WDFY4: variants seen among roughly 807,000 people sequenced by gnomAD.
WDFY4 encodes the protein WDFY family member 4.
Under a neutral mutation model 351.9 loss-of-function variants are expected in WDFY4, and 169 were observed. The ratio of observed to expected loss-of-function variants is 0.48; its 90% CI spans 0.42 to 0.55. WDFY4 has a LOEUF of 0.55. Among genes scored for constraint, WDFY4 ranks in the 20% least tolerant of loss-of-function variants. The pLI, the probability that WDFY4 is intolerant of heterozygous loss-of-function variation, is 0.00. For synonymous variants in WDFY4, 1,622 were observed against 1,574.6 expected (o/e 1.03, Z -0.71); for missense variants, 3,803 against 3,935.6 (o/e 0.97, Z 0.90).
In WDFY4 at chr10:48,776,952, T is replaced by A; in HGVS notation, c.3066T>A (p.Phe1022Leu). ...QPQRAALAPS[F>L]VEFDMSVEGY... is the part of the protein sequence containing the mutation. ...AGAGGGCAGCCCTGGCCCCATCGTT[T>A]GTGGAATTTGACATGTCCGTGGAAG... is the stretch of plus-strand genomic sequence containing the variant. The change falls in exon 16 of 62, where the codon TTT becomes TTA. Residue 1022 changes from phenylalanine to leucine, a missense_variant. By Grantham distance (22) the Phe-to-Leu change is conservative. This residue lies in a region of WDFY4 where 3,054 missense variants were observed against 3,148.6 expected (regional missense o/e 0.97). Transcript: ENST00000325239. 1 of 1,552,402 alleles carries A rather than the reference T, an allele frequency of 6.4e-7. No individual in the cohort carries two copies. The highest frequency in any genetic ancestry group is 8.7e-7 in the Non-Finnish European group (1 of 1,147,132).
intron 13 of WDFY4, among the ~76,000 whole-genome samples, chr10:48,771,763 G>A (rs996395610): frequency 5.3e-5 from 8 of 152,188 alleles, no homozygotes; most frequent in African/African-American, 1.9e-4. Context: ...TTGAAAGCAG[G>A]GACAGTGTCT....
intron 39 of WDFY4, among the ~76,000 whole-genome samples, chr10:48,850,956 C>T (rs767120729): frequency 1.7e-4 from 26 of 152,198 alleles, no homozygotes; most frequent in Non-Finnish European, 2.9e-4. Context: ...GTTTTTCTTT[C>T]CTAGGCAAAT....
At chr10:48,951,009 G>A (rs1841296088) in intron 51 of WDFY4, among the ~76,000 whole-genome samples, 1 of 152,232 alleles carries the variant, frequency 6.6e-6, no homozygotes, top group Non-Finnish European at 1.5e-5. Context: ...TCTGGGCACT[G>A]TGGCCCATTT....
chr10:48,776,587 G>A (rs1207084948), intron 15 of WDFY4, among the ~76,000 whole-genome samples, 163 bp from the exon 16 acceptor site: 3 of 152,232 alleles, frequency 2.0e-5, no homozygotes, highest in Admixed American at 6.5e-5. Context: ...CAGGGGGCCC[G>A]GGCTGGGGGC....
chr10:48,969,440 C>T (rs990592256), intron 56 of WDFY4, among the ~76,000 whole-genome samples, 192 bp downstream of exon 56: 4 of 152,200 alleles, frequency 2.6e-5, no homozygotes, highest in Admixed American at 6.5e-5. Flanking sequence ...CTCAAACCCT[C>T]CTTCCAAGGC....
At chr10:48,822,297 T>G in intron 34 of WDFY4, 83 bp from the exon 35 acceptor site, 1 of 1,379,038 alleles carries the variant, frequency 7.3e-7, no homozygotes. Flanking sequence ...TAAGATGCAG[T>G]TGGTCACTAC....
intron 43 of WDFY4, among the ~76,000 whole-genome samples, chr10:48,886,692 G>C (rs1448183362): frequency 6.6e-6 from 1 of 152,108 alleles, no homozygotes. Context: ...CCCAGTCTGG[G>C]GTATTCTGTT....
chr10:48,814,168 A>T (rs2067544499), intron 31 of WDFY4, 86 bp downstream of exon 31: 1 of 1,422,200 alleles, frequency 7.0e-7, no homozygotes, highest in Non-Finnish European at 9.3e-7. Flanking sequence ...TTCTCTTAGC[A>T]TCTTCCCACT....
chr10:48,846,566 A>G (rs1247467603), intron 39 of WDFY4, among the ~76,000 whole-genome samples: 1 of 152,208 alleles, frequency 6.6e-6, no homozygotes. Context: ...AGCCAGGTTC[A>G]TCTATTTCAG....
In WDFY4 at chr10:48,823,770, T is replaced by C. The variant is rs1415072834; in HGVS notation, c.5982+1233T>C. The C allele has an allele frequency of 8.1e-6, 8 of 990,804 alleles. No individual in the cohort carries two copies. In the African/African-American group the frequency reaches 1.4e-4, roughly 17 times the overall value. 61.4% of individuals were successfully genotyped at this position (990,804 alleles called of 1,614,324 possible). ...ACCGTGCTTTCAGGGGGACCAGGCCTGAGGGCTCGGCTCCCCACATATCCA... is the reference window on the plus strand; with the variant it reads ...ACCGTGCTTTCAGGGGGACCAGGCCCGAGGGCTCGGCTCCCCACATATCCA... On this transcript the variant is annotated intron_variant, in intron 35 of 61. Coordinates refer to ENST00000325239, the MANE Select transcript of WDFY4 (RefSeq NM_001394531.1).
intron 47 of WDFY4, among the ~76,000 whole-genome samples, chr10:48,941,308 A>G (rs1368286870): frequency 6.6e-6 from 1 of 152,264 alleles, no homozygotes; most frequent in African/African-American, 2.4e-5. Flanking sequence ...CTATGTAGGC[A>G]TATAGGCAGG....
chr10:48,894,592 G>C (rs1001693671), intron 44 of WDFY4, among the ~76,000 whole-genome samples: 8 of 152,250 alleles, frequency 5.3e-5, no homozygotes, highest in South Asian at 2.1e-4. Flanking sequence ...TGGCAGGCCA[G>C]AGAGCATGAC....
At chr10:48,848,311 A>G (rs894711468) in intron 39 of WDFY4, among the ~76,000 whole-genome samples, 1 of 152,224 alleles carries the variant, frequency 6.6e-6, no homozygotes, top group Non-Finnish European at 1.5e-5. Flanking sequence ...CTATCACTCA[A>G]CTAAAACCAG....
Position 48,790,836 on chromosome 10 carries a change from T to C in WDFY4, c.4176T>C (p.Tyr1392=). ...ISLATDDHTM[Y]AAVKVLHSVL... ...TAGCGACAGATGACCATACCATGTATGCGGCTGTGAAAGTTCTGCACTCGG... is the reference window on the plus strand; with the variant it reads ...TAGCGACAGATGACCATACCATGTACGCGGCTGTGAAAGTTCTGCACTCGG... Residue 1392 remains tyrosine (Y), a synonymous_variant, in exon 23 of 62, where the codon TAT becomes TAC. Coordinates refer to ENST00000325239, the MANE Select transcript of WDFY4 (RefSeq NM_001394531.1). 1.3e-5 allele frequency: 20 copies of C among 1,551,784 alleles called. No individual in the cohort carries two copies. The highest frequency in any genetic ancestry group is 1.7e-5 in the Non-Finnish European group (20 of 1,147,018).
chr10:48,806,256 T>A (rs1039031819), intron 27 of WDFY4, among the ~76,000 whole-genome samples, 161 bp downstream of exon 27: 3 of 152,214 alleles, frequency 2.0e-5, no homozygotes, highest in African/African-American at 7.2e-5. Flanking sequence ...CATTTTATGA[T>A]GAGAGTCAGA....
chr10:48,700,405 T>C (rs967642953), intron 1 of WDFY4, among the ~76,000 whole-genome samples: 1 of 152,236 alleles, frequency 6.6e-6, no homozygotes, highest in Admixed American at 6.5e-5. Flanking sequence ...GCTACTTCTA[T>C]CTCCTGATTT....
chr10:48,775,219 G>A (rs1202863588), intron 14 of WDFY4, among the ~76,000 whole-genome samples: 1 of 152,182 alleles, frequency 6.6e-6, no homozygotes, highest in Non-Finnish European at 1.5e-5. Flanking sequence ...GAAGACAAGA[G>A]AGCAGAGGGA....
intron 37 of WDFY4, 149 bp from the exon 38 acceptor site, chr10:48,830,551 T>C: frequency 1.2e-6 from 1 of 865,890 alleles, no homozygotes; most frequent in Non-Finnish European, 1.8e-6. Flanking sequence ...TACTGATTGC[T>C]TCTCGCTGAA....
intron 29 of WDFY4, 124 bp downstream of exon 29, chr10:48,810,859 C>G (rs560718397): frequency 9.5e-7 from 1 of 1,056,566 alleles, no homozygotes; most frequent in Admixed American, 3.4e-5. Flanking sequence ...CACCTCGAGC[C>G]CTGACTCCAA....
Sources: allele counts gnomAD v4.1 joint callset (sites outside exome capture counted in the v4.1 genomes callset), GRCh38; gene constraint gnomAD v4.1.1; regional missense constraint gnomAD v4.1.1; transcripts MANE v1.5; gene names NCBI Gene and HGNC (gene_info 2026-07-23, HGNC 2026-07-21).